SLC25A21: variants seen among roughly 807,000 people sequenced by gnomAD.
SLC25A21 encodes the protein solute carrier family 25 member 21.
SLC25A21 carries 47 observed loss-of-function variants against 43.8 expected under a neutral mutation model. That is an observed-to-expected ratio of 1.07 (90% CI 0.85 to 1.37). The LOEUF (loss-of-function observed/expected upper bound fraction) is 1.37, where lower values mean the gene tolerates loss of function less well. Ranked by LOEUF, SLC25A21 falls within the 40% of genes most tolerant of loss-of-function variation. The pLI, the probability that SLC25A21 is intolerant of heterozygous loss-of-function variation, is 0.00. For missense variants in SLC25A21, 352 were observed against 350.2 expected, an observed-to-expected ratio of 1.00 and a Z score of -0.04; for synonymous variants, 131 against 121.3, an observed-to-expected ratio of 1.08 and a Z score of -0.52.
At chr14:36,722,509 G>A (rs746408575) in intron 6 of SLC25A21, among the ~76,000 whole-genome samples, 2 of 152,118 alleles carry the variant, frequency 1.3e-5, no homozygotes, top group African/African-American at 4.8e-5. Context: ...GTTGATCATG[G>A]GGAAGATGAT....
intron 1 of SLC25A21, among the ~76,000 whole-genome samples, chr14:37,076,724 T>C (rs960544660): frequency 2.6e-5 from 4 of 152,124 alleles, no homozygotes; most frequent in African/African-American, 9.7e-5. Context: ...CCTCAGGTGA[T>C]CTGCCCACCT....
intron 3 of SLC25A21, among the ~76,000 whole-genome samples, chr14:36,801,656 C>T (rs1887872934): frequency 6.6e-6 from 1 of 152,190 alleles, no homozygotes; most frequent in African/African-American, 2.4e-5. Flanking sequence ...GCAAGCTACT[C>T]TGTGGTGTCT....
chr14:37,004,853 C>CA (rs1960563773), intron 1 of SLC25A21, among the ~76,000 whole-genome samples: 1 of 151,962 alleles, frequency 6.6e-6, no homozygotes, highest in Admixed American at 6.6e-5. Context: ...TTGCTGCATA[C>CA]AGCTTCCTAA....
intron 1 of SLC25A21, among the ~76,000 whole-genome samples, chr14:37,010,897 G>A (rs28540719): frequency 0.19 from 28,625 of 151,516 alleles, 3,075 homozygotes; most frequent in East Asian, 0.37. Flanking sequence ...GGTACGCACC[G>A]CCAAGTCCAG....
chr14:36,922,633 T>C (rs1389809673), intron 1 of SLC25A21, among the ~76,000 whole-genome samples: 1 of 151,850 alleles, frequency 6.6e-6, no homozygotes, highest in Non-Finnish European at 1.5e-5. Context: ...AGCTAAAATA[T>C]CCTCAGAGCT....
At chr14:37,128,960 C>T (rs982731251) in intron 1 of SLC25A21, among the ~76,000 whole-genome samples, 3 of 152,098 alleles carry the variant, frequency 2.0e-5, no homozygotes, top group Non-Finnish European at 4.4e-5. Context: ...AAAGCATTAG[C>T]CACCTGTGGC....
intron 7 of SLC25A21, among the ~76,000 whole-genome samples, chr14:36,705,373 T>A (rs779741257): frequency 1.3e-5 from 2 of 152,106 alleles, no homozygotes; most frequent in Non-Finnish European, 2.9e-5. Flanking sequence ...CTATTTTACG[T>A]CCGCAAACAT....
chr14:36,937,052 C>T (rs1032937541), intron 1 of SLC25A21, among the ~76,000 whole-genome samples: 10 of 152,176 alleles, frequency 6.6e-5, no homozygotes, highest in Non-Finnish European at 1.3e-4. Context: ...AGGCAGATGG[C>T]TTGCTAAATA....
At chr14:36,940,181 A>C (rs2138647936) in intron 1 of SLC25A21, among the ~76,000 whole-genome samples, 1 of 152,250 alleles carries the variant, frequency 6.6e-6, no homozygotes, top group Admixed American at 6.5e-5. Flanking sequence ...CTTTCAATTA[A>C]TCTGTTCATA....
At chr14:36,918,007 T>G (rs1218342425) in intron 1 of SLC25A21, among the ~76,000 whole-genome samples, 1 of 152,150 alleles carries the variant, frequency 6.6e-6, no homozygotes, top group Non-Finnish European at 1.5e-5. Context: ...TGATTTAGCA[T>G]CACTCTTTGT....
intron 3 of SLC25A21, among the ~76,000 whole-genome samples, chr14:36,768,219 A>C (rs909311986): frequency 2.0e-5 from 3 of 152,196 alleles, no homozygotes; most frequent in African/African-American, 7.2e-5. Flanking sequence ...CTTGTTGACC[A>C]AGAGAGGGTG....
At chr14:36,824,981 AG>A (rs1008021584) in intron 2 of SLC25A21, among the ~76,000 whole-genome samples, 11 of 152,010 alleles carry the variant, frequency 7.2e-5, no homozygotes, top group African/African-American at 2.7e-4. Context: ...TTTTAGATGC[AG>A]GTAGATGGAC....
intron 1 of SLC25A21, among the ~76,000 whole-genome samples, chr14:37,015,496 A>G (rs555100991): frequency 6.6e-6 from 1 of 152,176 alleles, no homozygotes; most frequent in East Asian, 1.9e-4. Flanking sequence ...GTGCCACAAT[A>G]GACATACGTG....
intron 6 of SLC25A21, among the ~76,000 whole-genome samples, chr14:36,718,509 TTCTC>T (rs34338805): frequency 4.6e-5 from 7 of 151,832 alleles, no homozygotes; most frequent in Non-Finnish European, 8.8e-5. Flanking sequence ...ATAACTCAAC[TTCTC>T]TCTCTCTCTC....
intron 1 of SLC25A21, among the ~76,000 whole-genome samples, chr14:37,170,060 C>A (rs1339986215): frequency 6.6e-6 from 1 of 151,396 alleles, no homozygotes; most frequent in African/African-American, 2.4e-5. Flanking sequence ...TTTTTGAGAC[C>A]GAGTCTCGCT....
intron 4 of SLC25A21, among the ~76,000 whole-genome samples, chr14:36,731,274 T>TCCC (rs1051458262): frequency 1.3e-5 from 2 of 152,176 alleles, no homozygotes; most frequent in Non-Finnish European, 2.9e-5. Context: ...TTAAAAGTAA[T>TCCC]TTATTTTTCT....
chr14:37,010,182 CAGAACATAGT>C (rs1310681956), intron 1 of SLC25A21, among the ~76,000 whole-genome samples: 1 of 152,166 alleles, frequency 6.6e-6, no homozygotes, highest in Non-Finnish European at 1.5e-5. Flanking sequence ...TGGCACAGTA[CAGAACATAGT>C]AGACACTCAA....
At chr14:37,163,294 T>TAATAAATA (rs34749912) in intron 1 of SLC25A21, among the ~76,000 whole-genome samples, 1,862 of 147,762 alleles carry the variant, frequency 0.013, 27 homozygotes, top group Admixed American at 0.027. Flanking sequence ...AGTATAATAA[T>TAATAAATA]AATAAATAAA....
chr14:36,939,976 G>A (rs7140144), intron 1 of SLC25A21, among the ~76,000 whole-genome samples: 2,704 of 152,052 alleles, frequency 0.018, 72 homozygotes, highest in African/African-American at 0.061. Flanking sequence ...GATCTTCGTC[G>A]TCAATAGCAG....
Sources: allele counts gnomAD v4.1 joint callset (sites outside exome capture counted in the v4.1 genomes callset), GRCh38; gene constraint gnomAD v4.1.1; transcripts MANE v1.5; gene names NCBI Gene and HGNC (gene_info 2026-07-23, HGNC 2026-07-21).